Variants in NIPSNAP3A observed in about 807,000 individuals in gnomAD.
NIPSNAP3A encodes the protein nipsnap homolog 3A, also known as protein NipSnap homolog 3A.
A neutral mutation model predicts 32.3 loss-of-function variants in NIPSNAP3A; 27 were observed. The observed-to-expected ratio is 0.84, with a 90% CI of 0.62 to 1.15. The LOEUF (loss-of-function observed/expected upper bound fraction) is 1.15. Ranked by LOEUF, NIPSNAP3A falls within the 50% of genes most tolerant of loss-of-function variation. The probability of loss-of-function intolerance (pLI) is 0.00; values close to 1 mark genes in which losing one functional copy is unlikely to be tolerated. For missense variants in NIPSNAP3A, 278 were observed against 297.2 expected (o/e 0.94, Z 0.48); for synonymous variants, 108 against 107.3 (o/e 1.01, Z -0.04).
chr9:104,748,334 C>T (rs1481023346), intron 1 of NIPSNAP3A, among the ~76,000 whole-genome samples: 1 of 152,162 alleles, frequency 6.6e-6, no homozygotes, highest in Admixed American at 6.5e-5. Flanking sequence ...CGGCCTCCCC[C>T]TTTTAAATGA....
At chr9:104,747,892 AGGGGAGGGGCGGGGC>A in intron 1 of NIPSNAP3A, 40 bp downstream of exon 1, 1 of 1,400,562 alleles carries the variant, frequency 7.1e-7, no homozygotes, top group Non-Finnish European at 9.6e-7. Flanking sequence ...ACCCGACGGG[AGGGGAGGGGCGGGGC>A]GGGGAGTGTT....
intron 1 of NIPSNAP3A, among the ~76,000 whole-genome samples, chr9:104,748,747 G>A (rs908213746): frequency 1.3e-5 from 2 of 152,136 alleles, no homozygotes; most frequent in Non-Finnish European, 2.9e-5. Context: ...TTACCCTAAT[G>A]ATTCTCCAGT....
Position 104,753,068 on chromosome 9 carries a change from A to G in NIPSNAP3A, c.430+4A>G, listed in dbSNP as rs750937280. On this transcript the variant is annotated splice_donor_region_variant and intron_variant, in intron 3 of 5. Coordinates refer to ENST00000374767, the MANE Select transcript of NIPSNAP3A (RefSeq NM_015469.3). ...TTAGAAAAACCTCCAAAAGAAGGTAAGTCCTTCCTTCTTAGTCACTGAGTT... is the reference window on the plus strand; with the variant it reads ...TTAGAAAAACCTCCAAAAGAAGGTAGGTCCTTCCTTCTTAGTCACTGAGTT... 22 of 1,609,212 alleles carry G rather than the reference A, an allele frequency of 1.4e-5. No individual in the cohort carries two copies. Among genetic ancestry groups the G allele is most frequent in the Non-Finnish European group, 1.9e-5 (22 of 1,175,736 alleles).
At chr9:104,754,527 A>C in intron 3 of NIPSNAP3A, 24 bp from the exon 4 acceptor site, 1 of 1,611,124 alleles carries the variant, frequency 6.2e-7, no homozygotes, top group African/African-American at 1.3e-5. Context: ...GTTTTCTGAA[A>C]AATTCTTTTT....
chr9:104,752,916 T>G lies in NIPSNAP3A; in HGVS notation c.282T>G (p.Ala94=). ...CTTTTCTTCCCACAGATAATTTTGC[T>G]CATCGAACTGAAGTTCGGAAAGCCT... ...VFHIWKYDNF[A]HRTEVRKALA... is the part of the protein sequence containing the mutation. Residue 94 remains alanine (A), a synonymous_variant, in exon 3 of 6, where the codon GCT becomes GCG. Coordinates refer to ENST00000374767, the MANE Select transcript of NIPSNAP3A (RefSeq NM_015469.3). The G allele has an allele frequency of 6.2e-7, 1 of 1,612,624 alleles. No individual in the cohort carries two copies.
chr9:104,753,533 C>T (rs4743758), intron 3 of NIPSNAP3A: 57,701 of 155,892 alleles, frequency 0.37, 11,719 homozygotes, highest in Non-Finnish European at 0.46. Context: ...GTGAAACTGC[C>T]AAGCTATATT....
At chr9:104,758,758 G>A (rs1442800686) in intron 4 of NIPSNAP3A, among the ~76,000 whole-genome samples, 3 of 150,270 alleles carry the variant, frequency 2.0e-5, no homozygotes, top group Non-Finnish European at 3.0e-5. Flanking sequence ...TCAGGAGTTC[G>A]AGACCAGCCT....
rs772966233 is a variant in NIPSNAP3A at position 104,747,839 on chromosome 9, C to T, written c.47C>T (p.Thr16Met). The stretch of plus-strand genomic sequence containing the variant: ...CTGACTCGGGCGCTGGCCTCACGGA[C>T]GCTGGCGCCTCAGGTACCGGCCACG... ...SALTRALASR[T>M]LAPQMCSSFA... Residue 16 changes from threonine (T) to methionine (M), a missense_variant, in exon 1 of 6, where the codon ACG becomes ATG. Physicochemically the swap from Thr to Met is moderately conservative, Grantham distance 81. Coordinates refer to ENST00000374767, the MANE Select transcript of NIPSNAP3A (RefSeq NM_015469.3). The T allele has an allele frequency of 3.1e-6, 5 of 1,608,206 alleles. No homozygotes were observed. The African/African-American group carries it at 5.3e-5, about 17-fold the overall frequency.
chr9:104,747,902 CG>C, intron 1 of NIPSNAP3A, 50 bp downstream of exon 1: 4 of 73,420 alleles, frequency 5.4e-5, no homozygotes, highest in South Asian at 3.2e-4. Flanking sequence ...AGGGGAGGGG[CG>C]GGGCGGGGAG....
At chr9:104,750,909 T>C in intron 1 of NIPSNAP3A, 47 bp from the exon 2 acceptor site, 3 of 1,437,838 alleles carry the variant, frequency 2.1e-6, no homozygotes, top group Non-Finnish European at 2.9e-6. Flanking sequence ...CACAATATAA[T>C]GAATCCTGTC....
chr9:104,752,792 A>T, intron 2 of NIPSNAP3A, 114 bp from the exon 3 acceptor site: 1 of 890,922 alleles, frequency 1.1e-6, no homozygotes, highest in South Asian at 1.5e-5. Context: ...CAAAGGCCTA[A>T]CACAAGGTTC....
chr9:104,750,880 G>C, intron 1 of NIPSNAP3A, 76 bp from the exon 2 acceptor site: 1 of 1,164,178 alleles, frequency 8.6e-7, no homozygotes, highest in South Asian at 1.2e-5. Context: ...CCTTGTACCA[G>C]ATTCAGATTA....
chr9:104,756,086 A>C (rs1223968565), intron 4 of NIPSNAP3A, among the ~76,000 whole-genome samples: 1 of 152,220 alleles, frequency 6.6e-6, no homozygotes, highest in Non-Finnish European at 1.5e-5. Flanking sequence ...TTCTTGTAAT[A>C]ATCTATCATA....
intron 4 of NIPSNAP3A, among the ~76,000 whole-genome samples, chr9:104,756,532 C>T (rs917196980): frequency 1.3e-5 from 2 of 151,818 alleles, no homozygotes; most frequent in African/African-American, 4.8e-5. Flanking sequence ...ATTTCTTTAC[C>T]TTATAAAAGG....
intron 3 of NIPSNAP3A, chr9:104,754,222 G>C: frequency 5.8e-6 from 1 of 172,136 alleles, no homozygotes; most frequent in East Asian, 1.6e-4. Context: ...GACTTTTGCA[G>C]CTCAAAATTC....
At chr9:104,752,067 G>A (rs1440540848) in intron 2 of NIPSNAP3A, among the ~76,000 whole-genome samples, 1 of 151,998 alleles carries the variant, frequency 6.6e-6, no homozygotes, top group Non-Finnish European at 1.5e-5. Context: ...ACTAAGTTCT[G>A]ATATACCTCA....
At chr9:104,749,277 A>G (rs1409151155) in intron 1 of NIPSNAP3A, among the ~76,000 whole-genome samples, 1 of 152,210 alleles carries the variant, frequency 6.6e-6, no homozygotes, top group African/African-American at 2.4e-5. Context: ...AAAAGCACAA[A>G]AAGAGTGTCC....
rs1382595475 is a variant in NIPSNAP3A at position 104,751,042 on chromosome 9, G to T, written c.147G>T (p.Met49Ile). 2 of 1,613,842 alleles carry T rather than the reference G, an allele frequency of 1.2e-6. No homozygotes were observed. Among genetic ancestry groups the T allele is most frequent in the Non-Finnish European group, 1.7e-6 (2 of 1,179,882 alleles). ...CTTATTACCTTAAGCCCTCAAAGAT[G>T]AATGAGTTCCTGGAAAATTTTGAGA... ...FRSYYLKPSK[M>I]NEFLENFEKN... is the part of the protein sequence containing the mutation. The change falls in exon 2 of 6, where the codon ATG becomes ATT. Residue 49 changes from methionine to isoleucine, a missense_variant. Transcript: ENST00000374767.
At chr9:104,755,038 G>A (rs1335856238) in intron 4 of NIPSNAP3A, among the ~76,000 whole-genome samples, 2 of 152,006 alleles carry the variant, frequency 1.3e-5, no homozygotes, top group East Asian at 1.9e-4. Flanking sequence ...TCAGGAGTTC[G>A]AGACCAGCCT....
Sources: gnomAD v4.1 joint callset for allele counts (sites outside exome capture counted in the v4.1 genomes callset) on GRCh38, gnomAD v4.1.1 for gene constraint, MANE v1.5 for transcripts, NCBI Gene and HGNC (gene_info 2026-07-23, HGNC 2026-07-21) for gene names.